TMC5: variants seen among roughly 807,000 people sequenced by gnomAD.
TMC5 encodes the protein transmembrane channel like 5.
A neutral mutation model predicts 110.5 loss-of-function variants in TMC5; 86 were observed. The ratio of observed to expected loss-of-function variants is 0.78; its 90% CI spans 0.65 to 0.93. TMC5 has a LOEUF of 0.93. Ranked by LOEUF, TMC5 falls within the 40% of genes least tolerant of loss-of-function variation. The probability of loss-of-function intolerance (pLI) is 0.00; values close to 1 mark genes in which losing one functional copy is unlikely to be tolerated. For synonymous variants in TMC5, 455 were observed against 439.5 expected (o/e 1.04, Z -0.44); for missense variants, 1,144 against 1,222.8 (o/e 0.94, Z 0.96).
chr16:19,464,842 C>G (rs1202742500), intron 8 of TMC5, among the ~76,000 whole-genome samples: 1 of 151,290 alleles, frequency 6.6e-6, no homozygotes, highest in Non-Finnish European at 1.5e-5. Flanking sequence ...TCTTTGTAGA[C>G]TGTTTTTTTC....
chr16:19,477,625 C>G, intron 13 of TMC5, 107 bp downstream of exon 13: 3 of 763,506 alleles, frequency 3.9e-6, no homozygotes, highest in Non-Finnish European at 6.4e-6. Flanking sequence ...GGTATTAATC[C>G]CTTGTGGGAA....
chr16:19,456,510 AGGGAGTTATGTTGTGATTTGTGTAG>A (rs1322759903), intron 5 of TMC5: 2 of 1,325,930 alleles, frequency 1.5e-6, no homozygotes, highest in African/African-American at 2.9e-5. Context: ...GGTTAGATGC[AGGGAGTTATGTTGTGATTTGTGTAG>A]GGGTGGCTTT....
At chr16:19,477,319 C>T (rs1184665095) in intron 12 of TMC5, 121 bp from the exon 13 acceptor site, 6 of 721,812 alleles carry the variant, frequency 8.3e-6, no homozygotes, top group Non-Finnish European at 1.5e-5. Flanking sequence ...TAGCCATGTG[C>T]CCCCCTCCAA....
intron 1 of TMC5, among the ~76,000 whole-genome samples, chr16:19,420,285 A>G (rs906032373): frequency 1.3e-5 from 2 of 152,054 alleles, no homozygotes; most frequent in African/African-American, 4.8e-5. Context: ...AAAATTAGCC[A>G]GGCATGGTGG....
intron 20 of TMC5, among the ~76,000 whole-genome samples, chr16:19,494,865 T>G (rs935696069): frequency 6.6e-6 from 1 of 152,128 alleles, no homozygotes; most frequent in Admixed American, 6.6e-5. Context: ...TTCTAGGTGC[T>G]GGGGTTACGG....
In TMC5 at chr16:19,477,517, A is replaced by T; in HGVS notation, c.2168A>T (p.Glu723Val). Reference sequence around the variant, plus strand: ...AACACCGTGGCCCTGTCTGGTGAAGAGGTGAGATTCTATGCTTCTCTGCCT... The same window carrying T: ...AACACCGTGGCCCTGTCTGGTGAAGTGGTGAGATTCTATGCTTCTCTGCCT... ...WLNTVALSGE[E>V]CWETLIGQDI... Residue 723 changes from glutamate to valine, a missense_variant and splice_region_variant, in exon 13 of 22, where the codon GAG becomes GTG. Coordinates refer to ENST00000542583, the MANE Select transcript of TMC5 (RefSeq NM_001261841.2). 1 of 1,603,286 alleles carries T rather than the reference A, an allele frequency of 6.2e-7. No homozygotes were observed. Among genetic ancestry groups the T allele is most frequent in the Non-Finnish European group, 8.5e-7 (1 of 1,174,390 alleles).
intron 20 of TMC5, among the ~76,000 whole-genome samples, chr16:19,496,026 G>A (rs1162910016): frequency 4.0e-5 from 6 of 151,842 alleles, no homozygotes; most frequent in Admixed American, 1.3e-4. Context: ...GTGTTGTGGT[G>A]CACATCTGTA....
At chr16:19,479,369 A>G in intron 13 of TMC5, 62 bp from the exon 14 acceptor site, 1 of 1,228,634 alleles carries the variant, frequency 8.1e-7, no homozygotes. Flanking sequence ...AGCCAGGAAC[A>G]GAGGAGAATT....
chr16:19,463,232 T>A (rs1217947379), intron 6 of TMC5, 48 bp from the exon 7 acceptor site: 1 of 1,403,464 alleles, frequency 7.1e-7, no homozygotes, highest in Non-Finnish European at 1.0e-6. Context: ...TTTGAATGAA[T>A]GAGTTGCAAC....
At chr16:19,430,232 T>A (rs1399091842) in intron 1 of TMC5, among the ~76,000 whole-genome samples, 181 bp from the exon 2 acceptor site, 2 of 152,168 alleles carry the variant, frequency 1.3e-5, no homozygotes, top group African/African-American at 4.8e-5. Flanking sequence ...TTAGTATGAG[T>A]TAATATTTGA....
intron 2 of TMC5, among the ~76,000 whole-genome samples, chr16:19,433,663 A>T (rs1967239951): frequency 6.6e-6 from 1 of 151,138 alleles, no homozygotes; most frequent in Non-Finnish European, 1.5e-5. Context: ...TTATTGCCAC[A>T]CATAGTGAGT....
intron 8 of TMC5, among the ~76,000 whole-genome samples, chr16:19,465,122 TCCC>T (rs1968153606): frequency 4.0e-5 from 2 of 50,274 alleles, no homozygotes; most frequent in Non-Finnish European, 1.4e-4. Context: ...CCTCCCTCCC[TCCC>T]TCCCTCCCTT....
chr16:19,420,309 T>G (rs893460141), intron 1 of TMC5, among the ~76,000 whole-genome samples: 5 of 151,912 alleles, frequency 3.3e-5, no homozygotes, highest in African/African-American at 1.2e-4. Context: ...ACACCTGTAG[T>G]CTCAGCTACT....
Position 19,498,129 on chromosome 16 carries a change from G to A in TMC5, c.*163G>A, listed in dbSNP as rs567329164. On this transcript the variant is annotated 3_prime_UTR_variant, in exon 22 of 22. Coordinates refer to ENST00000542583, the MANE Select transcript of TMC5 (RefSeq NM_001261841.2). ...CATGTAATTATCAAAGTAAAATTGG[G>A]CATTCCATGCTATTTTTAATACCTG... The A allele has an allele frequency of 2.4e-4, 155 of 637,390 alleles. No homozygotes were observed. Among genetic ancestry groups the A allele is most frequent in the Admixed American group, 1.2e-3 (39 of 33,408 alleles). 39.5% of individuals were successfully genotyped at this position (637,390 alleles called of 1,614,324 possible). A position where few individuals can be genotyped will look rare whatever the true frequency, so the allele number is the denominator to read the frequency against.
chr16:19,496,643 G>A (rs527608652), intron 20 of TMC5, among the ~76,000 whole-genome samples: 2 of 152,048 alleles, frequency 1.3e-5, no homozygotes, highest in South Asian at 2.1e-4. Flanking sequence ...CCAGCACTTT[G>A]GGAGGCCGAG....
intron 1 of TMC5, among the ~76,000 whole-genome samples, chr16:19,428,913 C>T (rs1384297059): frequency 1.3e-5 from 2 of 152,138 alleles, no homozygotes; most frequent in Non-Finnish European, 2.9e-5. Context: ...GCAACCTCCG[C>T]CTTCCAGGTT....
chr16:19,479,730 C>T (rs887559670), intron 14 of TMC5, among the ~76,000 whole-genome samples: 13 of 152,104 alleles, frequency 8.5e-5, no homozygotes, highest in African/African-American at 2.4e-4. Context: ...ATAGTTCACT[C>T]GGTTCAGTTG....
chr16:19,464,166 G>T (rs79310801), intron 8 of TMC5, 142 bp downstream of exon 8: 33,897 of 1,067,782 alleles, frequency 0.032, 758 homozygotes, highest in Non-Finnish European at 0.036. Context: ...ATGTTTTCCT[G>T]GCTGAGTGTG....
Position 19,472,008 on chromosome 16 carries a change from G to C in TMC5, c.1783-80G>C, listed in dbSNP as rs959537277. 11 of 1,441,156 alleles carry C rather than the reference G, an allele frequency of 7.6e-6. No individual in the cohort carries two copies. In the African/African-American group the frequency reaches 1.5e-4, roughly 20 times the overall value. The allele number at this position is 1,441,156 out of a possible 1,614,324, so 89.3% of individuals were successfully genotyped here. A position where few individuals can be genotyped will look rare whatever the true frequency, so the allele number is the denominator to read the frequency against. On this transcript the variant is annotated intron_variant, in intron 10 of 21. Transcript: ENST00000542583. ...ACTCCTGACCTCAAGTGATCCACCC[G>C]CCTTGGCCTCCCAAAGTGCTGGGAT...
Sources: allele counts gnomAD v4.1 joint callset (sites outside exome capture counted in the v4.1 genomes callset), GRCh38; gene constraint gnomAD v4.1.1; transcripts MANE v1.5; gene names NCBI Gene and HGNC (gene_info 2026-07-23, HGNC 2026-07-21).